The following CD109 variants were observed in gnomAD, a reference collection of about 807,000 sequenced individuals.
The protein encoded by CD109 is CD109 antigen.
A neutral mutation model predicts 165.8 loss-of-function variants in CD109; 149 were observed. The observed-to-expected ratio is 0.90, with a 90% CI of 0.79 to 1.03. The LOEUF (loss-of-function observed/expected upper bound fraction) is 1.03. CD109 is among the 50% of genes least tolerant of loss of function. The pLI, the probability that CD109 is intolerant of heterozygous loss-of-function variation, is 0.00. For missense variants in CD109, 1,712 were observed against 1,677.8 expected, an observed-to-expected ratio of 1.02 and a Z score of -0.36; for synonymous variants, 585 against 592.1, an observed-to-expected ratio of 0.99 and a Z score of 0.18.
At chr6:73,721,512 C>T (rs1310841546) in intron 2 of CD109, among the ~76,000 whole-genome samples, 3 of 151,224 alleles carry the variant, frequency 2.0e-5, no homozygotes, top group Non-Finnish European at 4.4e-5. Flanking sequence ...CTACAGGCGC[C>T]TGCCACCACA....
At chr6:73,730,211 G>A (rs1353131930) in intron 3 of CD109, 133 bp from the exon 4 acceptor site, 1 of 628,182 alleles carries the variant, frequency 1.6e-6, no homozygotes, top group Non-Finnish European at 2.8e-6. Flanking sequence ...TGATGCCTGG[G>A]AGGGGCAAAT....
intron 2 of CD109, among the ~76,000 whole-genome samples, chr6:73,712,144 G>T (rs1242365768): frequency 1.3e-5 from 2 of 152,294 alleles, no homozygotes; most frequent in African/African-American, 2.4e-5. Flanking sequence ...GGAAAGCGGA[G>T]GTTGTAGTGA....
intron 20 of CD109, among the ~76,000 whole-genome samples, chr6:73,785,847 T>G (rs372573687): frequency 0.017 from 921 of 54,496 alleles, 15 homozygotes; most frequent in African/African-American, 0.074. Context: ...TGCAGTTTTG[T>G]TTTTTTTTTT....
At chr6:73,771,608 A>G in intron 15 of CD109, 27 bp downstream of exon 15, 1 of 1,484,420 alleles carries the variant, frequency 6.7e-7, no homozygotes, top group Non-Finnish European at 9.1e-7. Flanking sequence ...TTTCATTATG[A>G]AAATATGTAT....
intron 15 of CD109, 78 bp downstream of exon 15, chr6:73,771,659 T>C (rs1774040416): frequency 9.8e-7 from 1 of 1,016,606 alleles, no homozygotes; most frequent in Non-Finnish European, 1.4e-6. Flanking sequence ...ACTTTAAATA[T>C]TTAAAGAAAA....
At chr6:73,712,338 A>G (rs1771570814) in intron 2 of CD109, among the ~76,000 whole-genome samples, 1 of 152,280 alleles carries the variant, frequency 6.6e-6, no homozygotes, top group Admixed American at 6.5e-5. Context: ...GTAACTTGAT[A>G]AAGAGATCAA....
intron 2 of CD109, among the ~76,000 whole-genome samples, chr6:73,705,482 A>T (rs1771231612): frequency 6.6e-6 from 1 of 150,992 alleles, no homozygotes; most frequent in South Asian, 2.1e-4. Flanking sequence ...TCTACTAAAA[A>T]TAAAAAAAAG....
intron 5 of CD109, among the ~76,000 whole-genome samples, chr6:73,743,373 T>C (rs939580112): frequency 1.3e-5 from 2 of 152,230 alleles, no homozygotes; most frequent in Non-Finnish European, 2.9e-5. Flanking sequence ...GTCACTCTTC[T>C]GGAGCCCTGT....
At chr6:73,685,909 T>C in the CD109 span, among the ~76,000 whole-genome samples, 14 of 152,246 alleles carry the variant, frequency 9.2e-5, no homozygotes, top group African/African-American at 3.4e-4. Flanking sequence ...GATGTCTTTG[T>C]ATTTCTTTTT....
chr6:73,753,164 A>G (rs572032032), intron 5 of CD109, among the ~76,000 whole-genome samples: 1 of 152,326 alleles, frequency 6.6e-6, no homozygotes, highest in South Asian at 2.1e-4. Flanking sequence ...GTCTGGCTAC[A>G]TTTGCATTGC....
chr6:73,744,160 A>T (rs1772893763), intron 5 of CD109, among the ~76,000 whole-genome samples: 1 of 152,234 alleles, frequency 6.6e-6, no homozygotes, highest in African/African-American at 2.4e-5. Flanking sequence ...ACCTATTATT[A>T]TCTTCAGATA....
chr6:73,811,224 G>A, intron 28 of CD109, 77 bp downstream of exon 28: 1 of 1,447,984 alleles, frequency 6.9e-7, no homozygotes, highest in Non-Finnish European at 9.3e-7. Flanking sequence ...TTTGTAATCT[G>A]TTGATTTCAA....
chr6:73,762,500 T>C lies in CD109; in HGVS notation c.855+20T>C, dbSNP rs975342345. On this transcript the variant is annotated intron_variant, in intron 8 of 32. Transcript: ENST00000287097. ...TTTAAGGTAACTTTTGCAGACACTT[T>C]ATAACTTGTGATGGGTAAAATATGT... The C allele has an allele frequency of 2.0e-6, 3 of 1,466,744 alleles. No individual in the cohort carries two copies. The highest frequency in any genetic ancestry group is 1.9e-6 in the Non-Finnish European group (2 of 1,048,492). The allele number at this position is 1,466,744 out of a possible 1,614,324, so 90.9% of individuals were successfully genotyped here. A position where few individuals can be genotyped will look rare whatever the true frequency, so the allele number is the denominator to read the frequency against.
chr6:73,696,567 C>T (rs927014542), intron 1 of CD109, among the ~76,000 whole-genome samples: 7 of 152,218 alleles, frequency 4.6e-5, no homozygotes, highest in Non-Finnish European at 1.0e-4. Context: ...TATTTTTAGT[C>T]CACATTGCCT....
chr6:73,732,257 A>AT (rs1417303996), intron 4 of CD109, among the ~76,000 whole-genome samples: 1 of 152,186 alleles, frequency 6.6e-6, no homozygotes, highest in African/African-American at 2.4e-5. Context: ...GTATCTTCCT[A>AT]TTCTTAGTTT....
chr6:73,711,065 G>A (rs571848979), intron 2 of CD109, among the ~76,000 whole-genome samples: 3 of 152,232 alleles, frequency 2.0e-5, no homozygotes, highest in African/African-American at 7.2e-5. Flanking sequence ...CAAAAAACAG[G>A]CGTGGGCCAG....
intron 5 of CD109, among the ~76,000 whole-genome samples, chr6:73,755,131 A>G (rs1211980803): frequency 1.3e-5 from 2 of 152,210 alleles, no homozygotes; most frequent in East Asian, 3.8e-4. Context: ...TAATAGATAA[A>G]TTACCTTCTT....
the CD109 span, among the ~76,000 whole-genome samples, chr6:73,685,430 T>C: frequency 6.6e-6 from 1 of 152,268 alleles, no homozygotes. Context: ...TTTGGTGTTA[T>C]ATGCAAAAAA....
At chr6:73,772,070 A>G (rs189380570) in intron 15 of CD109, among the ~76,000 whole-genome samples, 2 of 152,294 alleles carry the variant, frequency 1.3e-5, no homozygotes, top group African/African-American at 4.8e-5. Flanking sequence ...GTTTTCCTTC[A>G]TTTTCATACT....
Sources: allele counts gnomAD v4.1 joint callset (sites outside exome capture counted in the v4.1 genomes callset), GRCh38; gene constraint gnomAD v4.1.1; transcripts MANE v1.5; gene names NCBI Gene and HGNC (gene_info 2026-07-23, HGNC 2026-07-21).